TDG: variants seen among roughly 807,000 people sequenced by gnomAD.
The protein encoded by TDG is thymine DNA glycosylase, also known as G/T mismatch-specific thymine DNA glycosylase.
In TDG, 23 loss-of-function variants were observed where a neutral mutation model predicts 46.1. The observed-to-expected ratio is 0.50, with a 90% CI of 0.36 to 0.71. The LOEUF (loss-of-function observed/expected upper bound fraction) is 0.71. TDG is among the 30% of genes least tolerant of loss of function. The probability of loss-of-function intolerance (pLI) is 0.00; values close to 1 mark genes in which losing one functional copy is unlikely to be tolerated. For synonymous variants in TDG, 115 were observed against 161.3 expected (o/e 0.71, Z 2.18); for missense variants, 304 against 486.7 (o/e 0.62, Z 3.53).
rs180683950 is a variant in TDG at position 103,969,569 on chromosome 12, T to G, written c.23+3509T>G. ...CCTGGGAGGAATTTGTGGAATTAAC[T>G]GATTGATTTAATCAGAGTCCAGATA... On this transcript the variant is annotated intron_variant, in intron 1 of 9. Transcript: ENST00000392872. Among the ~76,000 whole-genome samples, 430 of 152,374 alleles carry G rather than the reference T, an allele frequency of 2.8e-3. 2 individuals are homozygous for G. Among genetic ancestry groups the G allele is most frequent in the Admixed American group, 8.4e-3 (128 of 15,304 alleles).
intron 1 of TDG, among the ~76,000 whole-genome samples, chr12:103,975,040 A>G (rs896136595): frequency 1.8e-4 from 28 of 151,620 alleles, no homozygotes; most frequent in Non-Finnish European, 2.4e-4. Context: ...TAGTAAAGCA[A>G]ACTTTTCCAT....
intron 2 of TDG, 54 bp from the exon 3 acceptor site, chr12:103,979,777 C>G: frequency 6.6e-7 from 1 of 1,525,674 alleles, no homozygotes; most frequent in Non-Finnish European, 8.7e-7. Flanking sequence ...GGGAAAGCTG[C>G]TAAAGTTTCT....
At chr12:103,969,778 A>G (rs976175982) in intron 1 of TDG, among the ~76,000 whole-genome samples, 1 of 152,170 alleles carries the variant, frequency 6.6e-6, no homozygotes, top group Non-Finnish European at 1.5e-5. Context: ...AGCTAGTGTC[A>G]TGGGTTCTGC....
At chr12:103,984,718 T>C in intron 7 of TDG, 31 bp from the exon 8 acceptor site, 1 of 1,437,398 alleles carries the variant, frequency 7.0e-7, no homozygotes, top group Non-Finnish European at 9.2e-7. Context: ...AATTATAAGA[T>C]TTCTGAAATT....
At chr12:103,975,867 G>C (rs1253508312) in intron 1 of TDG, among the ~76,000 whole-genome samples, 1 of 148,460 alleles carries the variant, frequency 6.7e-6, no homozygotes, top group African/African-American at 2.5e-5. Context: ...TTGCCATGTT[G>C]GTCAGGCTGG....
intron 1 of TDG, 28 bp downstream of exon 1, chr12:103,966,088 C>T (rs1206329568): frequency 1.9e-6 from 3 of 1,550,500 alleles, no homozygotes; most frequent in Non-Finnish European, 2.6e-6. Flanking sequence ...GCCGCCCCTC[C>T]CTTGCGCCCC....
chr12:103,981,390 C>A (rs1419245055), intron 4 of TDG, among the ~76,000 whole-genome samples: 2 of 151,734 alleles, frequency 1.3e-5, no homozygotes, highest in African/African-American at 4.8e-5. Context: ...CATGTACCAC[C>A]ACGCCTGGTT....
chr12:103,979,269 AT>A (rs1410096706), intron 2 of TDG, among the ~76,000 whole-genome samples: 1 of 151,518 alleles, frequency 6.6e-6, no homozygotes, highest in Non-Finnish European at 1.5e-5. Context: ...TGCCTGGCTA[AT>A]TTTTGTATTT....
rs1316487430 is a variant in TDG, at chr12:103,988,685, T to A, written c.*1595T>A. ...AATTATGACGGACATCCACTAGAGA[T>A]GGGTTTGAGGATTTTCCAAGCGTGT... On this transcript the variant is annotated 3_prime_UTR_variant, in exon 10 of 10. Transcript: ENST00000392872. The A allele has an allele frequency of 6.6e-6, 1 of 152,668 alleles. No individual in the cohort carries two copies. Among genetic ancestry groups the A allele is most frequent in the African/African-American group, 2.4e-5 (1 of 41,486 alleles). 9.5% of individuals were successfully genotyped at this position (152,668 alleles called of 1,614,324 possible).
intron 1 of TDG, among the ~76,000 whole-genome samples, chr12:103,966,730 T>TA (rs1871051678): frequency 6.6e-6 from 1 of 152,218 alleles, no homozygotes; most frequent in South Asian, 2.1e-4. Context: ...ACTAAATTTT[T>TA]AAAAAATGGA....
chr12:103,970,310 T>G (rs1871234929), intron 1 of TDG, among the ~76,000 whole-genome samples: 1 of 152,126 alleles, frequency 6.6e-6, no homozygotes, highest in Non-Finnish European at 1.5e-5. Context: ...AAGCCCCATC[T>G]CTACAAAAAA....
At position 103,977,069 on chromosome 12, in the gene TDG, A is replaced by G; in HGVS notation, c.166+9A>G. ...TCAGGAACCAGTGCAAGGTAGTTTC[A>G]CCATGAGAGCTTAGAAAGTTCAACA... On this transcript the variant is annotated intron_variant, in intron 2 of 9. Transcript: ENST00000392872. The G allele has an allele frequency of 5.0e-6, 8 of 1,599,250 alleles. No individual in the cohort carries two copies. The highest frequency in any genetic ancestry group is 6.8e-6 in the Non-Finnish European group (8 of 1,175,554).
At chr12:103,986,008 C>A (rs998890375) in intron 9 of TDG, among the ~76,000 whole-genome samples, 4 of 152,194 alleles carry the variant, frequency 2.6e-5, no homozygotes, top group East Asian at 1.9e-4. Context: ...CAAGCTCCCC[C>A]TCCTGGGTTC....
intron 2 of TDG, 22 bp from the exon 3 acceptor site, chr12:103,979,809 C>T (rs771443174): frequency 6.5e-7 from 1 of 1,541,626 alleles, no homozygotes; most frequent in Non-Finnish European, 8.7e-7. Context: ...TTCTGCATTT[C>T]TGGAAATTAT....
At position 103,988,293 on chromosome 12, in the gene TDG, A is replaced by G. The variant is rs1440159753; in HGVS notation, c.*1203A>G. The G allele has an allele frequency of 6.6e-6, 1 of 152,582 alleles. No individual in the cohort carries two copies. Among genetic ancestry groups the G allele is most frequent in the Non-Finnish European group, 1.5e-5 (1 of 68,010 alleles). 9.5% of individuals were successfully genotyped at this position (152,582 alleles called of 1,614,324 possible). ...AGGGAGCATGCTGTTTTGTCAATCA[A>G]TATAAAATATTTATGAGGTCTCCCC... On this transcript the variant is annotated 3_prime_UTR_variant, in exon 10 of 10. Coordinates refer to ENST00000392872, the MANE Select transcript of TDG (RefSeq NM_003211.6).
Position 103,977,054 on chromosome 12 carries a change from G to C in TDG, c.160G>C (p.Val54Leu), listed in dbSNP as rs1202775194. The change falls in exon 2 of 10, where the codon GTG becomes CTG. Residue 54 changes from valine to leucine, a missense_variant. By Grantham distance (32) the Val-to-Leu change is conservative. Coordinates refer to ENST00000392872, the MANE Select transcript of TDG (RefSeq NM_003211.6). The stretch of plus-strand genomic sequence containing the variant: ...AGCCCCAGCTCCTGCTCAGGAACCA[G>C]TGCAAGGTAGTTTCACCATGAGAGC... ...VPAPAPAQEP[V>L]QEAPKGRKRK... is the part of the protein sequence containing the mutation. The C allele has an allele frequency of 6.2e-7, 1 of 1,606,298 alleles. No homozygotes were observed. The highest frequency in any genetic ancestry group is 8.5e-7 in the Non-Finnish European group (1 of 1,178,034).
intron 1 of TDG, 146 bp downstream of exon 1, chr12:103,966,206 G>A: frequency 3.6e-6 from 4 of 1,125,892 alleles, no homozygotes; most frequent in Non-Finnish European, 3.6e-6. Flanking sequence ...GGCCTGGTCG[G>A]CCTTTCCTTC....
In TDG at chr12:103,984,992, T is replaced by TATAC. The variant is rs202167902; in HGVS notation, c.964+73_964+74insTACA. The TATAC allele has an allele frequency of 9.0e-3, 11,306 of 1,257,114 alleles. 81 individuals carry two copies. The highest frequency in any genetic ancestry group is 0.013 in the Middle Eastern group (61 of 4,576). 77.9% of individuals were successfully genotyped at this position (1,257,114 alleles called of 1,614,324 possible). On this transcript the variant is annotated intron_variant, in intron 8 of 9. Coordinates refer to ENST00000392872, the MANE Select transcript of TDG (RefSeq NM_003211.6). ...ATACACATATATACTTACATATATA[T>TATAC]ACACATATACATATATACATATACA...
chr12:103,975,958 G>A (rs1052059747), intron 1 of TDG, among the ~76,000 whole-genome samples: 2 of 151,226 alleles, frequency 1.3e-5, no homozygotes, highest in East Asian at 3.9e-4. Flanking sequence ...CACTGTGCCC[G>A]GCCTTGTCAC....
Sources: gnomAD v4.1 joint callset for allele counts (sites outside exome capture counted in the v4.1 genomes callset) on GRCh38, gnomAD v4.1.1 for gene constraint, MANE v1.5 for transcripts, NCBI Gene and HGNC (gene_info 2026-07-23, HGNC 2026-07-21) for gene names.